Variants in ACSM3 observed in about 807,000 individuals in gnomAD.
ACSM3 encodes acyl-coenzyme A synthetase ACSM3, mitochondrial.
In ACSM3, 61 loss-of-function variants were observed where a neutral mutation model predicts 74.1. That is an observed-to-expected ratio of 0.82 (90% CI 0.67 to 1.02). The LOEUF is 1.02. Among genes scored for constraint, ACSM3 ranks in the 50% least tolerant of loss-of-function variants. The pLI is 0.00. For missense variants in ACSM3, 660 were observed against 697.0 expected (o/e 0.95, Z 0.60); for synonymous variants, 213 against 241.5 (o/e 0.88, Z 1.09).
At chr16:20,748,313 C>A (rs1189815349) in intron 1 of ACSM3, among the ~76,000 whole-genome samples, 1 of 152,018 alleles carries the variant, frequency 6.6e-6, no homozygotes, top group Non-Finnish European at 1.5e-5. Context: ...AAGCCACATC[C>A]TCAGTAAGAG....
Position 20,797,176 on chromosome 16 carries a change from T to C in ACSM3, c.*204T>C, listed in dbSNP as rs947076829. On this transcript the variant is annotated 3_prime_UTR_variant, in exon 14 of 14. Transcript: ENST00000289416. Reference sequence around the variant, plus strand: ...TCCTCCACATTAGTGTCAATGTTCCTATCATTTCTTAATATAAAAATAATA... The same window carrying C: ...TCCTCCACATTAGTGTCAATGTTCCCATCATTTCTTAATATAAAAATAATA... 4 of 1,292,768 alleles carry C rather than the reference T, an allele frequency of 3.1e-6. No homozygotes were observed. Among genetic ancestry groups the C allele is most frequent in the Admixed American group, 4.0e-5 (1 of 24,908 alleles). The allele number at this position is 1,292,768 out of a possible 1,614,324, so 80.1% of individuals were successfully genotyped here.
intron 8 of ACSM3, 93 bp from the exon 9 acceptor site, chr16:20,785,985 T>A (rs2080465716): frequency 9.3e-6 from 8 of 857,692 alleles, no homozygotes; most frequent in African/African-American, 1.8e-5. Context: ...CATAGTAAGT[T>A]TTCAATAAAT....
Position 20,777,502 on chromosome 16 carries a change from A to G in ACSM3, c.560A>G (p.Lys187Arg). Residue 187 changes from lysine (K) to arginine (R), a missense_variant, in exon 4 of 14, where the codon AAA (lysine) becomes AGA (arginine). Coordinates refer to ENST00000289416, the MANE Select transcript of ACSM3 (RefSeq NM_005622.4). Reference protein sequence around the residue: ...LAPAVDAVASKCENLHSKLIV... With the variant: ...LAPAVDAVASRCENLHSKLIV... ...CCAGCAGTAGACGCTGTTGCATCCA[A>G]ATGTGAAAATCTGCACTCCAAGCTG... 1 of 1,614,094 alleles carries G rather than the reference A, an allele frequency of 6.2e-7. No individual in the cohort carries two copies. Among genetic ancestry groups the G allele is most frequent in the East Asian group, 2.2e-5 (1 of 44,862 alleles).
chr16:20,691,756 T>C (rs879649012), intron 1 of ACSM3, among the ~76,000 whole-genome samples: 1,367 of 20,928 alleles, frequency 0.065, 25 homozygotes, highest in South Asian at 0.14. Flanking sequence ...CTCCAATGTG[T>C]GTGTGTGTGT....
intron 1 of ACSM3, among the ~76,000 whole-genome samples, chr16:20,693,151 C>T (rs1051732126): frequency 1.4e-4 from 20 of 145,766 alleles, no homozygotes; most frequent in Admixed American, 6.9e-4. Flanking sequence ...GCCTGGGCAA[C>T]AGAGCAAAAT....
intron 1 of ACSM3, among the ~76,000 whole-genome samples, chr16:20,712,492 T>C (rs867095563): frequency 2.4e-4 from 37 of 152,294 alleles, no homozygotes; most frequent in African/African-American, 8.2e-4. Flanking sequence ...ATATCTCTTG[T>C]TGTTTTGAGG....
At chr16:20,719,140 G>A (rs1327590248) in intron 1 of ACSM3, 2 of 154,738 alleles carry the variant, frequency 1.3e-5, no homozygotes, top group African/African-American at 2.4e-5. Flanking sequence ...AGGTTTGGGG[G>A]CAAGGTCACT....
intron 3 of ACSM3, among the ~76,000 whole-genome samples, chr16:20,777,115 A>C (rs182068155): frequency 5.9e-5 from 9 of 152,350 alleles, no homozygotes; most frequent in African/African-American, 2.2e-4. Flanking sequence ...CTTCAAGCTC[A>C]ATGTTAGGGA....
At chr16:20,690,996 C>A (rs774078214) in intron 1 of ACSM3, 1 of 1,608,368 alleles carries the variant, frequency 6.2e-7, no homozygotes, top group Admixed American at 1.7e-5. Flanking sequence ...AGATCTCTTA[C>A]CTTCTCCTTT....
chr16:20,750,296 T>A (rs918925551), intron 2 of ACSM3, among the ~76,000 whole-genome samples: 7 of 152,236 alleles, frequency 4.6e-5, no homozygotes, highest in African/African-American at 1.7e-4. Context: ...TATTTCTTGA[T>A]GTAGATGCTT....
intron 1 of ACSM3, among the ~76,000 whole-genome samples, chr16:20,726,601 AAGC>A (rs2079807039): frequency 6.6e-6 from 1 of 152,210 alleles, no homozygotes; most frequent in African/African-American, 2.4e-5. Context: ...AGTGTTTGAG[AAGC>A]AAGCTGTTCT....
chr16:20,761,297 C>T (rs1412429971), upstream of ACSM3, among the ~76,000 whole-genome samples: 1 of 152,206 alleles, frequency 6.6e-6, no homozygotes, highest in Non-Finnish European at 1.5e-5. Context: ...TCAAATCAAA[C>T]TGTAACCCAA....
intron 1 of ACSM3, among the ~76,000 whole-genome samples, chr16:20,722,985 C>T (rs558892747): frequency 7.0e-4 from 107 of 152,220 alleles, no homozygotes; most frequent in Non-Finnish European, 1.3e-3. Flanking sequence ...TGCTGTGCTG[C>T]ACCCATTAAC....
At chr16:20,686,494 G>A (rs1306874297) in intron 1 of ACSM3, among the ~76,000 whole-genome samples, 1 of 152,152 alleles carries the variant, frequency 6.6e-6, no homozygotes, top group Non-Finnish European at 1.5e-5. Context: ...ATGGGAGGGA[G>A]AGCATTAGGA....
chr16:20,728,786 T>C (rs1411719391), intron 1 of ACSM3, among the ~76,000 whole-genome samples: 1 of 152,170 alleles, frequency 6.6e-6, no homozygotes, highest in Non-Finnish European at 1.5e-5. Context: ...ACCTTTTATA[T>C]CTTATACTAG....
chr16:20,678,208 A>G (rs1327996699), intron 1 of ACSM3, among the ~76,000 whole-genome samples: 1 of 151,858 alleles, frequency 6.6e-6, no homozygotes, highest in Non-Finnish European at 1.5e-5. Context: ...GATAGTAAAA[A>G]TTTTCCAGTG....
At position 20,718,017 on chromosome 16, in the gene ACSM3, GA is replaced by G. The variant is rs1567323323; in HGVS notation, c.-189-31891del. Among the ~76,000 whole-genome samples the G allele has an allele frequency of 8.0e-4, 117 of 146,692 alleles. 1 individual carries two copies. The highest frequency in any genetic ancestry group is 2.8e-3 in the African/African-American group (110 of 38,818). On this transcript the variant is annotated intron_variant, in intron 1 of 3. Coordinates refer to the ACSM3 transcript ENST00000561584. ...AGAAGAAGAAGAAGAAGAAGAAGAAGAAGAAGAAGAAAAGAAAGAAGAAGAA... is the reference window on the plus strand; with the variant it reads ...AGAAGAAGAAGAAGAAGAAGAAGAAGAGAAGAAGAAAAGAAAGAAGAAGAA...
intron 1 of ACSM3, chr16:20,735,081 T>C (rs1471757368): frequency 6.6e-6 from 1 of 152,250 alleles, no homozygotes; most frequent in Non-Finnish European, 1.5e-5. Flanking sequence ...GGCAAGTCAG[T>C]TTCCTTTTAG....
At chr16:20,726,219 G>C (rs1325959452) in intron 1 of ACSM3, among the ~76,000 whole-genome samples, 1 of 152,180 alleles carries the variant, frequency 6.6e-6, no homozygotes, top group Non-Finnish European at 1.5e-5. Flanking sequence ...TTGAAGAGAA[G>C]CTAACAAAGT....
Sources: allele counts gnomAD v4.1 joint callset (sites outside exome capture counted in the v4.1 genomes callset), GRCh38; gene constraint gnomAD v4.1.1; transcripts MANE v1.5; gene names NCBI Gene and HGNC (gene_info 2026-07-23, HGNC 2026-07-21).